Variants in RUFY3 observed in about 807,000 individuals in gnomAD.
RUFY3 encodes RUN and FYVE domain containing 3.
In RUFY3, 34 loss-of-function variants were observed where a neutral mutation model predicts 84.0. The ratio of observed to expected loss-of-function variants is 0.40; its 90% CI spans 0.31 to 0.54. The LOEUF is 0.54. Ranked by LOEUF, RUFY3 falls within the 20% of genes least tolerant of loss-of-function variation. RUFY3 has a pLI of 0.39. For missense variants in RUFY3, 507 were observed against 736.8 expected (o/e 0.69, Z 3.61); for synonymous variants, 242 against 252.9 (o/e 0.96, Z 0.41).
At chr4:70,727,411 A>T in intron 1 of RUFY3, among the ~76,000 whole-genome samples, 1 of 138,798 alleles carries the variant, frequency 7.2e-6, no homozygotes, top group South Asian at 2.5e-4. Context: ...GCTGGAGTGC[A>T]GTGGCGAGTT....
At chr4:70,741,844 A>G (rs773630537) in intron 1 of RUFY3, among the ~76,000 whole-genome samples, 6 of 152,216 alleles carry the variant, frequency 3.9e-5, no homozygotes, top group Non-Finnish European at 8.8e-5. Context: ...AATAGTGTCA[A>G]TGTATGTTTA....
intron 1 of RUFY3, among the ~76,000 whole-genome samples, chr4:70,729,726 A>G (rs537321788): frequency 1.3e-5 from 2 of 152,246 alleles, no homozygotes; most frequent in South Asian, 2.1e-4. Flanking sequence ...TCTTCAATAC[A>G]TTGCCATTTT....
chr4:70,713,411 A>C (rs1741219176), intron 1 of RUFY3, among the ~76,000 whole-genome samples: 1 of 152,244 alleles, frequency 6.6e-6, no homozygotes, highest in Non-Finnish European at 1.5e-5. Flanking sequence ...TATTTGAATA[A>C]TTGTGAAAAG....
rs146982828 is a variant in RUFY3 at position 70,745,609 on chromosome 4, G to A, written c.179-16910G>A. Among the ~76,000 whole-genome samples, 72 of 152,162 alleles carry A rather than the reference G, an allele frequency of 4.7e-4. 2 individuals carry two copies. The South Asian group carries it at 0.011, about 24-fold the overall frequency. ...TAGTCAGGACAGTACTTGAATTTAG[G>A]CAATAATATACCTGTGTAAAATATT... On this transcript the variant is annotated intron_variant, in intron 1 of 17. Transcript: ENST00000381006.
At chr4:70,725,713 G>A (rs1364238994) in intron 1 of RUFY3, among the ~76,000 whole-genome samples, 1 of 152,184 alleles carries the variant, frequency 6.6e-6, no homozygotes, top group Admixed American at 6.5e-5. Context: ...GCAAGAGCCT[G>A]TGATTGACTC....
Position 70,788,911 on chromosome 4 carries a change from T to C in RUFY3, c.1177T>C (p.Ser393Pro). ...CTGTGAGAAGCAGGATGCCCTGGTATCTCTTCGGCAGCAGCTGGATGACCT... is the reference window on the plus strand; with the variant it reads ...CTGTGAGAAGCAGGATGCCCTGGTACCTCTTCGGCAGCAGCTGGATGACCT... Reference protein sequence around the residue: ...DVCEKQDALVSLRQQLDDLRA... With the variant: ...DVCEKQDALVPLRQQLDDLRA... Residue 393 changes from serine to proline, a missense_variant, in exon 11 of 18, where the codon TCT becomes CCT. Transcript: ENST00000381006. The C allele has an allele frequency of 6.2e-7, 1 of 1,614,152 alleles. No homozygotes were observed. Among genetic ancestry groups the C allele is most frequent in the Non-Finnish European group, 8.5e-7 (1 of 1,180,044 alleles).
chr4:70,786,904 C>G (rs527617926), intron 10 of RUFY3, among the ~76,000 whole-genome samples: 135 of 152,026 alleles, frequency 8.9e-4, no homozygotes, highest in South Asian at 1.5e-3. Flanking sequence ...TTATTACAGG[C>G]CAAGCGCCAT....
chr4:70,776,600 C>A (rs1728010872), intron 7 of RUFY3, among the ~76,000 whole-genome samples: 1 of 152,098 alleles, frequency 6.6e-6, no homozygotes, highest in African/African-American at 2.4e-5. Context: ...CGGTGAAACC[C>A]CATCTCTACT....
In RUFY3 at chr4:70,725,218, C is replaced by CT. The variant is rs547583184; in HGVS notation, c.178+2468dup. On this transcript the variant is annotated intron_variant, in intron 1 of 17. Coordinates refer to ENST00000381006, the MANE Select transcript of RUFY3 (RefSeq NM_001037442.4). ...AGCAGTCCGCAGTATAGGCCTGGAC[C>CT]TAGAGTTTCTGCCTACTTTAACCCT... is the stretch of plus-strand genomic sequence containing the variant. Among the ~76,000 whole-genome samples, 44 of 152,236 alleles carry CT rather than the reference C, an allele frequency of 2.9e-4. No homozygotes were observed. In the Middle Eastern group the frequency reaches 0.01, roughly 35 times the overall value.
At chr4:70,795,715 T>C (rs1731419636) in intron 14 of RUFY3, among the ~76,000 whole-genome samples, 1 of 152,172 alleles carries the variant, frequency 6.6e-6, no homozygotes, top group Non-Finnish European at 1.5e-5. Flanking sequence ...ATGATACTAG[T>C]CATGTAGGCC....
intron 1 of RUFY3, among the ~76,000 whole-genome samples, chr4:70,710,825 G>A (rs1489358291): frequency 6.6e-6 from 1 of 151,102 alleles, no homozygotes; most frequent in Non-Finnish European, 1.5e-5. Context: ...CACTTTGGGA[G>A]GCCAAGGCAG....
intron 1 of RUFY3, chr4:70,741,497 T>C (rs1721311759): frequency 3.2e-6 from 2 of 633,142 alleles, no homozygotes; most frequent in Non-Finnish European, 5.1e-6. Flanking sequence ...ATCGCTGTGA[T>C]AAGTAGAAAG....
At chr4:70,792,379 A>G in intron 12 of RUFY3, 1 of 960,340 alleles carries the variant, frequency 1.0e-6, no homozygotes, top group Non-Finnish European at 1.2e-6. Flanking sequence ...ATTCTTTATT[A>G]TTATTTAGTA....
At chr4:70,758,838 G>A (rs1724494995) in intron 1 of RUFY3, among the ~76,000 whole-genome samples, 1 of 151,998 alleles carries the variant, frequency 6.6e-6, no homozygotes, top group South Asian at 2.1e-4. Context: ...AGGAGATCAA[G>A]ACCATCCTGG....
chr4:70,773,804 G>A (rs1378019209), intron 6 of RUFY3, among the ~76,000 whole-genome samples: 1 of 152,108 alleles, frequency 6.6e-6, no homozygotes, highest in African/African-American at 2.4e-5. Context: ...TGGTTCAGGG[G>A]CAAAGAAAAT....
chr4:70,741,706 G>T, intron 1 of RUFY3: 1 of 1,440,964 alleles, frequency 6.9e-7, no homozygotes, highest in Non-Finnish European at 9.1e-7. Flanking sequence ...ACATCTTTCA[G>T]CTTTTTCTCC....
Position 70,789,639 on chromosome 4 carries a change from G to A in RUFY3, c.1337+47G>A, listed in dbSNP as rs567470893. ...TGAAACACTTTGGATTGTCAGTGCT[G>A]AAGTGAAAAGAATGTGCTGTACATT... On this transcript the variant is annotated intron_variant, in intron 12 of 17. Coordinates refer to ENST00000381006, the MANE Select transcript of RUFY3 (RefSeq NM_001037442.4). The A allele has an allele frequency of 1.6e-5, 25 of 1,591,314 alleles. No homozygotes were observed. In the African/African-American group the frequency reaches 2.3e-4, roughly 15 times the overall value.
chr4:70,722,783 C>T (rs200895710), intron 1 of RUFY3, 32 bp downstream of exon 1: 9 of 1,594,040 alleles, frequency 5.6e-6, no homozygotes, highest in Non-Finnish European at 7.7e-6. Context: ...TAGTATTTCA[C>T]CAGCATCCTC....
chr4:70,747,499 C>CAA (rs768378993), intron 1 of RUFY3, among the ~76,000 whole-genome samples: 2,300 of 125,724 alleles, frequency 0.018, 54 homozygotes, highest in South Asian at 0.063. Flanking sequence ...TAGGTGTGTG[C>CAA]AAAAAAAAAA....
Sources: gnomAD v4.1 joint callset for allele counts (sites outside exome capture counted in the v4.1 genomes callset) on GRCh38, gnomAD v4.1.1 for gene constraint, MANE v1.5 for transcripts, NCBI Gene and HGNC (gene_info 2026-07-23, HGNC 2026-07-21) for gene names.